Variants in IQCK observed in about 807,000 individuals in gnomAD.
IQCK encodes IQ domain-containing protein K.
In IQCK, 29 loss-of-function variants were observed where a neutral mutation model predicts 28.1. That is an observed-to-expected ratio of 1.03 (90% CI 0.77 to 1.41). The LOEUF is 1.41. Ranked by LOEUF, IQCK falls within the 40% of genes most tolerant of loss-of-function variation. The pLI, the probability that IQCK is intolerant of heterozygous loss-of-function variation, is 0.00. For missense variants in IQCK, 359 were observed against 314.7 expected, an observed-to-expected ratio of 1.14 and a Z score of -1.07; for synonymous variants, 113 against 115.1, an observed-to-expected ratio of 0.98 and a Z score of 0.12.
At chr16:19,815,475 A>AC (rs1167397723) in intron 7 of IQCK, among the ~76,000 whole-genome samples, 2 of 152,074 alleles carry the variant, frequency 1.3e-5, no homozygotes, top group South Asian at 2.1e-4. Flanking sequence ...GCATAGTGAG[A>AC]CCCCATCTCT....
chr16:19,733,848 C>A, intron 3 of IQCK, 21 bp downstream of exon 3: 1 of 1,613,362 alleles, frequency 6.2e-7, no homozygotes, highest in Non-Finnish European at 8.5e-7. Flanking sequence ...GAGATGCCAT[C>A]TTTTATAATT....
At chr16:19,823,135 A>G (rs1431900846) in intron 7 of IQCK, among the ~76,000 whole-genome samples, 3 of 152,084 alleles carry the variant, frequency 2.0e-5, no homozygotes, top group Non-Finnish European at 4.4e-5. Context: ...TTGGGAGCCC[A>G]GGCTTGGGCT....
chr16:19,832,298 G>A (rs1034941894), intron 9 of IQCK, among the ~76,000 whole-genome samples: 2 of 151,874 alleles, frequency 1.3e-5, no homozygotes, highest in East Asian at 3.9e-4. Context: ...TCATGTATGT[G>A]TTTGTGTGTA....
intron 7 of IQCK, among the ~76,000 whole-genome samples, chr16:19,815,298 A>G (rs1219948660): frequency 5.9e-5 from 9 of 152,174 alleles, no homozygotes; most frequent in Non-Finnish European, 1.5e-5. Context: ...ACCGCAGTAG[A>G]ATATCTGTAA....
chr16:19,805,576 A>C (rs891715923), intron 7 of IQCK, among the ~76,000 whole-genome samples: 1 of 152,182 alleles, frequency 6.6e-6, no homozygotes, highest in South Asian at 2.1e-4. Flanking sequence ...ATAGTAACAT[A>C]ATGTCAAAGA....
intron 6 of IQCK, among the ~76,000 whole-genome samples, chr16:19,777,689 G>T (rs1173638284): frequency 6.6e-6 from 1 of 152,072 alleles, no homozygotes; most frequent in African/African-American, 2.4e-5. Flanking sequence ...CATGTGGGTG[G>T]CCCTTTCTCA....
At chr16:19,805,058 G>A (rs1022804906) in intron 7 of IQCK, among the ~76,000 whole-genome samples, 2 of 152,120 alleles carry the variant, frequency 1.3e-5, no homozygotes, top group African/African-American at 4.8e-5. Context: ...GGGTGGGGGT[G>A]CATTTCCTCC....
intron 6 of IQCK, among the ~76,000 whole-genome samples, chr16:19,770,202 G>A (rs1161665736): frequency 1.3e-5 from 2 of 152,168 alleles, no homozygotes; most frequent in Non-Finnish European, 2.9e-5. Flanking sequence ...GTAGCCCAGA[G>A]TTGATTCCAG....
intron 9 of IQCK, among the ~76,000 whole-genome samples, chr16:19,838,844 C>A (rs986723486): frequency 3.3e-5 from 5 of 151,604 alleles, no homozygotes; most frequent in Non-Finnish European, 7.4e-5. Flanking sequence ...CATGGTGAAA[C>A]CCTGTCTCTA....
chr16:19,735,231 A>G (rs980743671), intron 3 of IQCK, 122 bp from the exon 4 acceptor site: 1 of 687,130 alleles, frequency 1.5e-6, no homozygotes, highest in Non-Finnish European at 2.6e-6. Flanking sequence ...AGCAAAATAT[A>G]ACATCTAAGA....
intron 4 of IQCK, among the ~76,000 whole-genome samples, chr16:19,743,409 C>G (rs975471398): frequency 6.6e-6 from 1 of 152,198 alleles, no homozygotes; most frequent in African/African-American, 2.4e-5. Flanking sequence ...AGGAGCAAAT[C>G]CCCTCAAATT....
chr16:19,837,622 T>G (rs1309690886), intron 9 of IQCK, among the ~76,000 whole-genome samples: 1 of 152,174 alleles, frequency 6.6e-6, no homozygotes, highest in Non-Finnish European at 1.5e-5. Context: ...AAGTGAATGG[T>G]CAGTAACTGG....
At chr16:19,856,459 C>A (rs761287826) in intron 9 of IQCK, 28 bp from the exon 9 acceptor site, 1 of 1,601,078 alleles carries the variant, frequency 6.2e-7, no homozygotes, top group Admixed American at 1.7e-5. Context: ...GTAAATTGAT[C>A]CTGACTTTCC....
At chr16:19,803,057 C>T (rs1014952241) in intron 7 of IQCK, among the ~76,000 whole-genome samples, 1 of 152,132 alleles carries the variant, frequency 6.6e-6, no homozygotes, top group African/African-American at 2.4e-5. Flanking sequence ...GTCTTATTCC[C>T]CTGAGATTCT....
intron 4 of IQCK, among the ~76,000 whole-genome samples, chr16:19,750,828 TAAC>T (rs1349947948): frequency 5.9e-5 from 9 of 152,212 alleles, no homozygotes; most frequent in South Asian, 4.2e-4. Context: ...CAATGAAAGA[TAAC>T]AATTGAATAA....
downstream of IQCK, among the ~76,000 whole-genome samples, chr16:19,828,978 TTATA>T (rs558751324): frequency 7.0e-6 from 1 of 143,806 alleles, no homozygotes. Flanking sequence ...AAATATATAA[TTATA>T]TATATAATTA....
chr16:19,817,116 T>A (rs546371116), intron 7 of IQCK, among the ~76,000 whole-genome samples: 17 of 152,076 alleles, frequency 1.1e-4, no homozygotes, highest in East Asian at 1.9e-4. Flanking sequence ...GGCATTTTTT[T>A]AAAAAAACTG....
At chr16:19,756,000 T>C (rs2055046656) in intron 4 of IQCK, among the ~76,000 whole-genome samples, 1 of 152,106 alleles carries the variant, frequency 6.6e-6, no homozygotes, top group South Asian at 2.1e-4. Context: ...CCAAGCAACA[T>C]AGCAAGACCT....
intron 9 of IQCK, among the ~76,000 whole-genome samples, chr16:19,842,605 A>G (rs903222569): frequency 6.6e-6 from 1 of 152,250 alleles, no homozygotes; most frequent in African/African-American, 2.4e-5. Context: ...AAATGGTGCC[A>G]GGAAAAATGT....
Sources: gnomAD v4.1 joint callset for allele counts (sites outside exome capture counted in the v4.1 genomes callset) on GRCh38, gnomAD v4.1.1 for gene constraint, MANE v1.5 for transcripts, NCBI Gene and HGNC (gene_info 2026-07-23, HGNC 2026-07-21) for gene names.